The following POU6F2 variants were observed in gnomAD, a reference collection of about 807,000 sequenced individuals.
The protein encoded by POU6F2 is POU class 6 homeobox 2, also known as POU domain, class 6, transcription factor 2.
In POU6F2, 31 loss-of-function variants were observed where a neutral mutation model predicts 71.3. That is an observed-to-expected ratio of 0.43 (90% CI 0.33 to 0.59). POU6F2 has a LOEUF of 0.59. Among genes scored for constraint, POU6F2 ranks in the 20% least tolerant of loss-of-function variants. POU6F2 has a pLI of 0.04. For synonymous variants in POU6F2, 347 were observed against 355.7 expected, an observed-to-expected ratio of 0.98 and a Z score of 0.27; for missense variants, 783 against 856.8, an observed-to-expected ratio of 0.91 and a Z score of 1.07.
intron 2 of POU6F2, among the ~76,000 whole-genome samples, chr7:39,140,108 G>A (rs188413864): frequency 3.3e-5 from 5 of 152,302 alleles, no homozygotes; most frequent in Admixed American, 2.6e-4. Context: ...TAGGGTTGTT[G>A]TAAGGATCAA....
intron 4 of POU6F2, among the ~76,000 whole-genome samples, chr7:39,280,585 T>G (rs896767512): frequency 1.3e-5 from 2 of 152,222 alleles, no homozygotes; most frequent in Non-Finnish European, 2.9e-5. Flanking sequence ...ATGACTACTT[T>G]CTGAAATTAG....
At chr7:39,009,384 C>G (rs983474792) in intron 1 of POU6F2, among the ~76,000 whole-genome samples, 2 of 152,086 alleles carry the variant, frequency 1.3e-5, no homozygotes, top group African/African-American at 4.8e-5. Context: ...TATCCTGAGA[C>G]TTTGCTGAAG....
chr7:39,378,225 G>T (rs1472427441), intron 5 of POU6F2, among the ~76,000 whole-genome samples: 4 of 152,194 alleles, frequency 2.6e-5, no homozygotes, highest in Non-Finnish European at 4.4e-5. Context: ...AAAAAGAGTA[G>T]TTTACGGGTG....
At chr7:39,315,007 C>T (rs1355238463) in intron 4 of POU6F2, among the ~76,000 whole-genome samples, 1 of 152,172 alleles carries the variant, frequency 6.6e-6, no homozygotes, top group Non-Finnish European at 1.5e-5. Context: ...TTACCTGTAA[C>T]ACTGCACTGT....
chr7:39,268,182 G>T (rs1784283208), intron 4 of POU6F2, among the ~76,000 whole-genome samples: 1 of 152,158 alleles, frequency 6.6e-6, no homozygotes, highest in Non-Finnish European at 1.5e-5. Context: ...ACAGTCACGT[G>T]CCCAGATTGA....
At chr7:39,306,541 G>T (rs1028686302) in intron 4 of POU6F2, among the ~76,000 whole-genome samples, 2 of 152,204 alleles carry the variant, frequency 1.3e-5, no homozygotes, top group East Asian at 3.9e-4. Context: ...CAAGGTGCCA[G>T]TTGGGGCTCT....
intron 2 of POU6F2, among the ~76,000 whole-genome samples, chr7:39,184,640 T>C (rs1562737505): frequency 6.6e-6 from 1 of 152,218 alleles, no homozygotes; most frequent in African/African-American, 2.4e-5. Context: ...CCCGTGGCTG[T>C]CACCTGATTT....
chr7:39,121,442 C>T (rs1006884936), intron 2 of POU6F2, among the ~76,000 whole-genome samples: 4 of 152,166 alleles, frequency 2.6e-5, no homozygotes, highest in African/African-American at 9.7e-5. Context: ...CCAGGTGGCA[C>T]AATTAAGAAT....
chr7:39,099,087 A>G (rs974405007), intron 2 of POU6F2, among the ~76,000 whole-genome samples: 16 of 152,326 alleles, frequency 1.1e-4, no homozygotes, highest in Middle Eastern at 3.4e-3. Flanking sequence ...TGGAGGTTCT[A>G]CAGGGGACAA....
At chr7:39,374,263 T>A (rs572863705) in intron 5 of POU6F2, among the ~76,000 whole-genome samples, 14 of 152,304 alleles carry the variant, frequency 9.2e-5, no homozygotes, top group African/African-American at 3.4e-4. Context: ...CCAGAGAACG[T>A]ACACAAGCTT....
At chr7:39,295,344 G>A (rs536303807) in intron 4 of POU6F2, among the ~76,000 whole-genome samples, 8 of 152,140 alleles carry the variant, frequency 5.3e-5, no homozygotes, top group East Asian at 1.9e-4. Flanking sequence ...GGCCCAGTGC[G>A]GTGGCTCACG....
chr7:39,107,262 C>A (rs981924960), intron 2 of POU6F2, among the ~76,000 whole-genome samples: 7 of 151,964 alleles, frequency 4.6e-5, no homozygotes, highest in African/African-American at 1.7e-4. Context: ...CCAGGCTGGT[C>A]TCCAATTCCT....
intron 4 of POU6F2, among the ~76,000 whole-genome samples, chr7:39,264,139 G>A (rs529412532): frequency 1.5e-3 from 233 of 152,284 alleles, no homozygotes; most frequent in Non-Finnish European, 2.8e-3. Flanking sequence ...GACTTCCAGC[G>A]TCTGAGCCCA....
chr7:39,197,904 C>T (rs573658764), intron 2 of POU6F2, among the ~76,000 whole-genome samples: 1 of 152,218 alleles, frequency 6.6e-6, no homozygotes, highest in Admixed American at 6.5e-5. Flanking sequence ...TGGAGCTGGC[C>T]TGTGGGAGAT....
intron 1 of POU6F2, among the ~76,000 whole-genome samples, chr7:39,064,575 A>C (rs1344378307): frequency 2.6e-5 from 4 of 151,970 alleles, no homozygotes; most frequent in Admixed American, 1.3e-4. Context: ...AATAATAATA[A>C]AACTACAAAA....
At chr7:39,065,502 A>T (rs1790737659) in intron 1 of POU6F2, among the ~76,000 whole-genome samples, 1 of 151,602 alleles carries the variant, frequency 6.6e-6, no homozygotes, top group African/African-American at 2.4e-5. Context: ...AAGAAATCAA[A>T]TTCTTTAAGT....
chr7:39,204,828 A>G (rs979978072), intron 3 of POU6F2, among the ~76,000 whole-genome samples: 1 of 152,148 alleles, frequency 6.6e-6, no homozygotes, highest in Non-Finnish European at 1.5e-5. Flanking sequence ...TTATTTTTTA[A>G]AGTCCAATAT....
intron 4 of POU6F2, among the ~76,000 whole-genome samples, chr7:39,329,518 A>C (rs1658234212): frequency 6.6e-6 from 1 of 152,130 alleles, no homozygotes; most frequent in African/African-American, 2.4e-5. Context: ...CACCGAAGTC[A>C]CCGCCCCCTT....
At chr7:38,990,905 A>G (rs984030191) in intron 1 of POU6F2, among the ~76,000 whole-genome samples, 1 of 152,100 alleles carries the variant, frequency 6.6e-6, no homozygotes, top group African/African-American at 2.4e-5. Context: ...ACAGTAGACA[A>G]GGATACGAGT....
Sources: allele counts gnomAD v4.1 joint callset (sites outside exome capture counted in the v4.1 genomes callset), GRCh38; gene constraint gnomAD v4.1.1; transcripts MANE v1.5; gene names NCBI Gene and HGNC (gene_info 2026-07-23, HGNC 2026-07-21).